The following TMEM165 variants were observed in gnomAD, a reference collection of about 807,000 sequenced individuals.
TMEM165 encodes transmembrane protein 165.
In TMEM165, 19 loss-of-function variants were observed where a neutral mutation model predicts 30.0. That is an observed-to-expected ratio of 0.63 (90% CI 0.44 to 0.93). The LOEUF (loss-of-function observed/expected upper bound fraction) is 0.93. Ranked by LOEUF, TMEM165 falls within the 40% of genes least tolerant of loss-of-function variation. TMEM165 has a pLI of 0.00. For synonymous variants in TMEM165, 168 were observed against 162.9 expected (o/e 1.03, Z -0.24); for missense variants, 340 against 417.0 (o/e 0.82, Z 1.61).
chr4:55,423,537 C>T lies in TMEM165; in HGVS notation c.793-1001C>T, dbSNP rs1194893032. ...TCCTGGGCTCAAATGATCCTCCCAC[C>T]TCAGCCTCCCGAGTAGCTGGGACCA... On this transcript the variant is annotated intron_variant, in intron 4 of 5. Transcript: ENST00000381334. The T allele has an allele frequency of 9.8e-5, 15 of 152,564 alleles. No individual in the cohort carries two copies. In the East Asian group the frequency reaches 1.2e-3, roughly 12 times the overall value. 9.5% of individuals were successfully genotyped at this position (152,564 alleles called of 1,614,324 possible). A position where few individuals can be genotyped will look rare whatever the true frequency, so the allele number is the denominator to read the frequency against.
Position 55,396,152 on chromosome 4 carries a change from T to G in TMEM165, c.-38T>G. The G allele has an allele frequency of 7.5e-7, 1 of 1,332,862 alleles. No homozygotes were observed. Among genetic ancestry groups the G allele is most frequent in the Non-Finnish European group, 9.5e-7 (1 of 1,054,200 alleles). The allele number at this position is 1,332,862 out of a possible 1,614,324, so 82.6% of individuals were successfully genotyped here. A position where few individuals can be genotyped will look rare whatever the true frequency, so the allele number is the denominator to read the frequency against. ...GAGGCTTCCCGTCGCCGGCACTTCC[T>G]CTTGCGGCGCCCGTGCGCGGCCGGC... is the stretch of plus-strand genomic sequence containing the variant. On this transcript the variant is annotated 5_prime_UTR_variant, in exon 1 of 6. Coordinates refer to ENST00000381334, the MANE Select transcript of TMEM165 (RefSeq NM_018475.5).
intron 3 of TMEM165, chr4:55,434,105 T>C (rs1338968183): frequency 6.6e-6 from 1 of 152,626 alleles, no homozygotes; most frequent in African/African-American, 2.4e-5. Context: ...ATAATGACAC[T>C]GACACCCACA....
At chr4:55,441,041 C>T (rs1428238274) in intron 3 of TMEM165, among the ~76,000 whole-genome samples, 3 of 152,198 alleles carry the variant, frequency 2.0e-5, no homozygotes, top group African/African-American at 7.2e-5. Flanking sequence ...CTGAAGTATT[C>T]ATCACCCCAA....
At chr4:55,417,018 C>A in intron 2 of TMEM165, 54 bp from the exon 3 acceptor site, 2 of 1,438,444 alleles carry the variant, frequency 1.4e-6, no homozygotes, top group South Asian at 2.8e-5. Context: ...GTTAACTGTT[C>A]CCTTGGTCGT....
At chr4:55,452,815 C>T in exon 4 of TMEM165, 1 of 387,288 alleles carries the variant, frequency 2.6e-6, no homozygotes, top group Non-Finnish European at 4.7e-6. Flanking sequence ...GAGACTAGTA[C>T]ATCACTGGGA....
chr4:55,430,625 A>G (rs1722435225), downstream of TMEM165: 1 of 152,166 alleles, frequency 6.6e-6, no homozygotes, highest in Admixed American at 6.6e-5. Context: ...TTGTGCAAAA[A>G]TATTACAAGA....
intron 3 of TMEM165, among the ~76,000 whole-genome samples, chr4:55,437,876 C>T (rs1577668250): frequency 6.6e-6 from 1 of 152,094 alleles, no homozygotes; most frequent in Non-Finnish European, 1.5e-5. Context: ...TTGAATTCAA[C>T]AAAATAATTT....
At chr4:55,434,076 G>A (rs541926570) in intron 3 of TMEM165, 1 of 152,694 alleles carries the variant, frequency 6.5e-6, no homozygotes, top group African/African-American at 2.4e-5. Context: ...AGTCTTCAGA[G>A]GAACTTATTA....
chr4:55,405,839 T>C (rs1721247929), intron 1 of TMEM165, among the ~76,000 whole-genome samples: 1 of 152,240 alleles, frequency 6.6e-6, no homozygotes, highest in African/African-American at 2.4e-5. Flanking sequence ...TGTAATGACT[T>C]CCCTCTTGCC....
At chr4:55,449,367 T>C in intron 3 of TMEM165, 1 of 1,555,702 alleles carries the variant, frequency 6.4e-7, no homozygotes, top group Non-Finnish European at 8.9e-7. Context: ...TAAATCTTTA[T>C]TCAGAAGAAT....
chr4:55,396,244 C>T lies in TMEM165; in HGVS notation c.55C>T (p.Leu19Phe), dbSNP rs1347969060. Residue 19 changes from leucine to phenylalanine, a missense_variant, in exon 1 of 6, where the codon CTC becomes TTC. Transcript: ENST00000381334. ...GRASAPRLLL[L>F]FLVPLLWAPA... ...CGCATCGGCGCCCCGGCTGCTTCTG[C>T]TCTTTCTGGTTCCGCTGCTGTGGGC... is the stretch of plus-strand genomic sequence containing the variant. 10 of 1,502,028 alleles carry T rather than the reference C, an allele frequency of 6.7e-6. No homozygotes were observed. Among genetic ancestry groups the T allele is most frequent in the Non-Finnish European group, 8.8e-6 (10 of 1,131,958 alleles). 93.0% of individuals were successfully genotyped at this position (1,502,028 alleles called of 1,614,324 possible).
chr4:55,416,900 A>G, intron 2 of TMEM165, 172 bp from the exon 3 acceptor site: 1 of 549,116 alleles, frequency 1.8e-6, no homozygotes. Context: ...CTAATGGTTT[A>G]TTATTGGTGG....
At chr4:55,417,674 G>A (rs1011598864) in intron 3 of TMEM165, 129 bp from the exon 4 acceptor site, 54 of 735,224 alleles carry the variant, frequency 7.3e-5, no homozygotes, top group Non-Finnish European at 1.1e-4. Flanking sequence ...GGAGGTTTGG[G>A]GGTCACATAA....
chr4:55,402,424 TATATATATA>T (rs1426356981), intron 1 of TMEM165, among the ~76,000 whole-genome samples: 1 of 51,454 alleles, frequency 1.9e-5, no homozygotes, highest in Non-Finnish European at 3.4e-5. Context: ...TATATATATA[TATATATATA>T]TTTTTTTTTT....
At chr4:55,406,328 TACAG>T (rs143655437) in intron 1 of TMEM165, among the ~76,000 whole-genome samples, 216 of 152,330 alleles carry the variant, frequency 1.4e-3, no homozygotes, top group Middle Eastern at 3.4e-3. Flanking sequence ...TTCCAGAAGA[TACAG>T]AAGAATGTAG....
chr4:55,452,615 C>T, exon 4 of TMEM165: 1 of 182,502 alleles, frequency 5.5e-6, no homozygotes, highest in Non-Finnish European at 1.2e-5. Context: ...TACTTCTGAC[C>T]TGATATAACA....
At chr4:55,400,234 A>T (rs1720901883) in intron 1 of TMEM165, among the ~76,000 whole-genome samples, 1 of 50,292 alleles carries the variant, frequency 2.0e-5, no homozygotes, top group Admixed American at 3.7e-4. Flanking sequence ...TAATATATTA[A>T]TGTAATTAAT....
chr4:55,450,208 G>A, intron 3 of TMEM165: 7 of 1,613,890 alleles, frequency 4.3e-6, no homozygotes, highest in Non-Finnish European at 5.9e-6. Context: ...GTGTTTATAC[G>A]ATTATCTGAC....
rs1048229905 is a variant in TMEM165, at chr4:55,450,311, C to T, written c.409-1928C>T. On this transcript the variant is annotated intron_variant, in intron 3 of 3. Transcript: ENST00000608091. Reference sequence around the variant, plus strand: ...AAATTCACAATACTGTTAACAACAACAAAAAAATCAGTTTTTGTCTATAAC... The same window carrying T: ...AAATTCACAATACTGTTAACAACAATAAAAAAATCAGTTTTTGTCTATAAC... The T allele has an allele frequency of 1.9e-6, 3 of 1,563,048 alleles. No individual in the cohort carries two copies. The African/African-American group carries it at 4.1e-5, about 21-fold the overall frequency.
Sources: gnomAD v4.1 joint callset for allele counts (sites outside exome capture counted in the v4.1 genomes callset) on GRCh38, gnomAD v4.1.1 for gene constraint, MANE v1.5 for transcripts, NCBI Gene and HGNC (gene_info 2026-07-23, HGNC 2026-07-21) for gene names.